RIMS1: variants seen among roughly 807,000 people sequenced by gnomAD.
The protein encoded by RIMS1 is regulating synaptic membrane exocytosis protein 1.
Under a neutral mutation model 214.1 loss-of-function variants are expected in RIMS1, and 83 were observed. The ratio of observed to expected loss-of-function variants is 0.39; its 90% CI spans 0.32 to 0.47. The LOEUF is 0.47. Ranked by LOEUF, RIMS1 falls within the 20% of genes least tolerant of loss-of-function variation. The pLI, the probability that RIMS1 is intolerant of heterozygous loss-of-function variation, is 0.99. For synonymous variants in RIMS1, 793 were observed against 786.8 expected, an observed-to-expected ratio of 1.01 and a Z score of -0.13; for missense variants, 2,050 against 2,161.8, an observed-to-expected ratio of 0.95 and a Z score of 1.03.
At chr6:72,103,807 T>C (rs1437132117) in intron 4 of RIMS1, among the ~76,000 whole-genome samples, 37 of 152,154 alleles carry the variant, frequency 2.4e-4, no homozygotes, top group Admixed American at 2.4e-3. Context: ...ATGTTTGTTA[T>C]TGTCTTTTTG....
intron 2 of RIMS1, among the ~76,000 whole-genome samples, chr6:71,984,756 T>C (rs1799416110): frequency 2.2e-5 from 3 of 138,620 alleles, no homozygotes; most frequent in African/African-American, 8.0e-5. Context: ...TATGTATGTA[T>C]GTATGTATGT....
At chr6:72,184,105 A>C (rs1028139154) in intron 6 of RIMS1, among the ~76,000 whole-genome samples, 1 of 152,184 alleles carries the variant, frequency 6.6e-6, no homozygotes, top group African/African-American at 2.4e-5. Flanking sequence ...CCCTTTGAGC[A>C]GTTTCTTTCT....
chr6:72,239,435 A>T (rs2065727524), intron 9 of RIMS1, among the ~76,000 whole-genome samples: 1 of 152,196 alleles, frequency 6.6e-6, no homozygotes, highest in Non-Finnish European at 1.5e-5. Context: ...CAATTTATGT[A>T]TTCGAAGAAA....
intron 29 of RIMS1, among the ~76,000 whole-genome samples, chr6:72,384,500 T>C (rs925668361): frequency 6.6e-6 from 1 of 152,182 alleles, no homozygotes; most frequent in Admixed American, 6.5e-5. Context: ...ATTTTTTTAG[T>C]TCTTGACACA....
chr6:72,292,222 A>T (rs1305560138), intron 26 of RIMS1, among the ~76,000 whole-genome samples, 176 bp downstream of exon 26: 2 of 152,038 alleles, frequency 1.3e-5, no homozygotes, highest in Admixed American at 6.6e-5. Flanking sequence ...CATGGCATGC[A>T]CTCAGTTTTT....
At chr6:72,206,136 A>G (rs2052864221) in intron 6 of RIMS1, among the ~76,000 whole-genome samples, 1 of 152,046 alleles carries the variant, frequency 6.6e-6, no homozygotes, top group Non-Finnish European at 1.5e-5. Context: ...TTTACCATTC[A>G]TTCCTTGGCT....
At chr6:71,985,062 CA>C (rs1392120215) in intron 2 of RIMS1, among the ~76,000 whole-genome samples, 1 of 152,118 alleles carries the variant, frequency 6.6e-6, no homozygotes. Context: ...AAAAAGTTTG[CA>C]ATCTAGTTTA....
chr6:72,006,459 T>A (rs566460530), intron 2 of RIMS1, among the ~76,000 whole-genome samples: 3 of 152,216 alleles, frequency 2.0e-5, no homozygotes, highest in African/African-American at 7.2e-5. Context: ...GTTCATCTAC[T>A]GGGGAGTGTT....
chr6:71,982,740 C>T (rs55865087), intron 2 of RIMS1, among the ~76,000 whole-genome samples: 16,800 of 152,068 alleles, frequency 0.11, 1,099 homozygotes, highest in East Asian at 0.28. Flanking sequence ...ATTTCAGGCT[C>T]TCCTTTTTGC....
At chr6:72,335,720 C>T (rs1240761608) in intron 29 of RIMS1, among the ~76,000 whole-genome samples, 1 of 152,004 alleles carries the variant, frequency 6.6e-6, no homozygotes, top group Non-Finnish European at 1.5e-5. Flanking sequence ...TTCTCCACAT[C>T]CTCTCAAGCA....
At chr6:71,999,312 G>T (rs947219600) in intron 2 of RIMS1, among the ~76,000 whole-genome samples, 1 of 152,066 alleles carries the variant, frequency 6.6e-6, no homozygotes, top group East Asian at 1.9e-4. Flanking sequence ...AAATACTAAT[G>T]ATGATGACGA....
chr6:72,163,830 C>T (rs9446586), intron 4 of RIMS1, among the ~76,000 whole-genome samples: 83,206 of 119,798 alleles, frequency 0.69, 30,881 homozygotes, highest in East Asian at 0.99. Flanking sequence ...TTAGGCTACT[C>T]GGTGGTCAGG....
chr6:72,346,959 A>G (rs980931460), intron 29 of RIMS1, among the ~76,000 whole-genome samples: 3 of 151,804 alleles, frequency 2.0e-5, no homozygotes, highest in Non-Finnish European at 2.9e-5. Context: ...TAGTGCCTGC[A>G]ATGCAGAAGA....
At chr6:72,011,653 T>A (rs913667784) in intron 2 of RIMS1, among the ~76,000 whole-genome samples, 6 of 151,810 alleles carry the variant, frequency 4.0e-5, no homozygotes, top group Non-Finnish European at 7.4e-5. Context: ...AACAACCCCA[T>A]GAAAAAGTGG....
rs369457976 is a variant in RIMS1, at chr6:72,233,840, G to A, written c.1746G>A (p.Ser582=). Residue 582 remains serine, a splice_region_variant and synonymous_variant, in exon 7 of 34, where the codon TCG becomes TCA. Transcript: ENST00000521978. Reference sequence around the variant, plus strand: ...GCCGGGAGACATCACCTATTAGTTCGGTAAGTTTTCTGGAAAGTGTGTTTG... The same window carrying A: ...GCCGGGAGACATCACCTATTAGTTCAGTAAGTTTTCTGGAAAGTGTGTTTG... ...WHSRETSPIS[S]HPVTWQPSKE... 128 of 1,571,288 alleles carry A rather than the reference G, an allele frequency of 8.1e-5. No homozygotes were observed. The highest frequency in any genetic ancestry group is 9.7e-5 in the Non-Finnish European group (112 of 1,155,486).
At chr6:72,150,208 C>A (rs2043344813) in intron 4 of RIMS1, among the ~76,000 whole-genome samples, 1 of 142,864 alleles carries the variant, frequency 7.0e-6, no homozygotes. Flanking sequence ...AAAAAAAAGG[C>A]TAAAAAAAGG....
At position 72,315,433 on chromosome 6, in the gene RIMS1, T is replaced by C. The variant is rs138658900; in HGVS notation, c.4130+1761T>C. ...TGAGAGTTTATTTTATGTAAGTGGATTATGTAAATTTAAGCACTACAGCTA... is the reference window on the plus strand; with the variant it reads ...TGAGAGTTTATTTTATGTAAGTGGACTATGTAAATTTAAGCACTACAGCTA... On this transcript the variant is annotated intron_variant, in intron 28 of 33. Coordinates refer to ENST00000521978, the MANE Select transcript of RIMS1 (RefSeq NM_014989.7). Among the ~76,000 whole-genome samples the C allele has an allele frequency of 2.5e-3, 385 of 152,286 alleles. 1 individual carries two copies. Among genetic ancestry groups the C allele is most frequent in the African/African-American group, 8.8e-3 (364 of 41,560 alleles).
At chr6:72,068,742 T>G (rs1034284026) in intron 2 of RIMS1, among the ~76,000 whole-genome samples, 54 of 151,968 alleles carry the variant, frequency 3.6e-4, no homozygotes, top group African/African-American at 1.1e-3. Flanking sequence ...AAACCCCATC[T>G]CTCCTAAAAA....
intron 4 of RIMS1, among the ~76,000 whole-genome samples, chr6:72,168,517 C>G (rs1387368123): frequency 1.3e-5 from 2 of 152,108 alleles, no homozygotes; most frequent in Admixed American, 1.3e-4. Flanking sequence ...CGTGCTAGCA[C>G]TTGGGAGGGG....
Sources: gnomAD v4.1 joint callset for allele counts (sites outside exome capture counted in the v4.1 genomes callset) on GRCh38, gnomAD v4.1.1 for gene constraint, MANE v1.5 for transcripts, NCBI Gene and HGNC (gene_info 2026-07-23, HGNC 2026-07-21) for gene names.